AGBL1: variants seen among roughly 807,000 people sequenced by gnomAD.
The protein encoded by AGBL1 is AGBL carboxypeptidase 1.
AGBL1 carries 130 observed loss-of-function variants against 118.9 expected under a neutral mutation model. The observed-to-expected ratio is 1.09, with a 90% confidence interval of 0.95 to 1.26. AGBL1 has a LOEUF of 1.26. AGBL1 is among the 50% of genes most tolerant of loss of function. The pLI, the probability that AGBL1 is intolerant of heterozygous loss-of-function variation, is 0.00. For synonymous variants in AGBL1, 555 were observed against 478.9 expected (o/e 1.16, Z -2.08); for missense variants, 1,584 against 1,298.1 (o/e 1.22, Z -3.38).
At chr15:86,174,593 G>A (rs2077457277) in intron 5 of AGBL1, among the ~76,000 whole-genome samples, 1 of 151,806 alleles carries the variant, frequency 6.6e-6, no homozygotes, top group African/African-American at 2.4e-5. Context: ...TTTGTCACAT[G>A]TGGCTTTTAT....
intron 22 of AGBL1, among the ~76,000 whole-genome samples, chr15:86,763,150 C>T (rs1256838163): frequency 1.3e-5 from 2 of 151,884 alleles, no homozygotes; most frequent in African/African-American, 4.8e-5. Flanking sequence ...CTCCACTGAC[C>T]ACAAGGATGA....
chr15:86,402,309 T>C (rs1316183505), intron 18 of AGBL1, among the ~76,000 whole-genome samples: 1 of 152,134 alleles, frequency 6.6e-6, no homozygotes, highest in Admixed American at 6.6e-5. Flanking sequence ...TGATTTTGTA[T>C]CCTGAAACTT....
chr15:86,369,995 C>T (rs1167479485), intron 17 of AGBL1, among the ~76,000 whole-genome samples: 2 of 152,160 alleles, frequency 1.3e-5, no homozygotes, highest in Non-Finnish European at 2.9e-5. Flanking sequence ...GAAAAATTAT[C>T]AGCAATTTAA....
At chr15:86,216,549 T>A (rs1373413935) in intron 5 of AGBL1, among the ~76,000 whole-genome samples, 1 of 152,218 alleles carries the variant, frequency 6.6e-6, no homozygotes, top group Non-Finnish European at 1.5e-5. Context: ...TCTGTTATTA[T>A]GGTGGGTTAC....
At chr15:86,383,551 T>C (rs759136961) in intron 17 of AGBL1, among the ~76,000 whole-genome samples, 4 of 152,124 alleles carry the variant, frequency 2.6e-5, no homozygotes, top group Non-Finnish European at 5.9e-5. Context: ...TGCACCACGG[T>C]ATGCCAGCCT....
intron 7 of AGBL1, among the ~76,000 whole-genome samples, chr15:86,253,917 C>G (rs1391315697): frequency 1.3e-5 from 2 of 152,018 alleles, no homozygotes; most frequent in African/African-American, 2.4e-5. Flanking sequence ...TTTTAAAGGA[C>G]CATTCTGGCT....
chr15:86,336,898 A>G (rs1401171677), intron 17 of AGBL1, among the ~76,000 whole-genome samples: 2 of 152,200 alleles, frequency 1.3e-5, no homozygotes, highest in African/African-American at 4.8e-5. Flanking sequence ...AGTAAAAATT[A>G]CCTTGCCATC....
chr15:86,543,007 T>C (rs2083526655), intron 19 of AGBL1, among the ~76,000 whole-genome samples: 1 of 152,228 alleles, frequency 6.6e-6, no homozygotes, highest in Non-Finnish European at 1.5e-5. Context: ...GTTTTGACCA[T>C]TTACAATAAG....
Position 86,225,019 on chromosome 15 carries a change from C to A in AGBL1, c.526+68C>A. Reference sequence around the variant, plus strand: ...GGTTTAATGAAAGATACTTTCTGGTCCCCATGGCTGTTTCTTTTTTTTTTT... The same window carrying A: ...GGTTTAATGAAAGATACTTTCTGGTACCCATGGCTGTTTCTTTTTTTTTTT... On this transcript the variant is annotated intron_variant, in intron 6 of 22. Transcript: ENST00000614907. 2.0e-6 allele frequency: 3 copies of A among 1,468,674 alleles called. No individual in the cohort carries two copies. In the South Asian group the frequency reaches 3.7e-5, roughly 18 times the overall value. 91.0% of individuals were successfully genotyped at this position (1,468,674 alleles called of 1,614,324 possible). A position where few individuals can be genotyped will look rare whatever the true frequency, so the allele number is the denominator to read the frequency against.
chr15:86,571,736 T>C (rs1053671839), intron 21 of AGBL1, among the ~76,000 whole-genome samples: 2 of 152,156 alleles, frequency 1.3e-5, no homozygotes, highest in African/African-American at 4.8e-5. Flanking sequence ...CGGGTGCTGA[T>C]TGATCCATGA....
At chr15:86,836,249 A>T (rs997507308) in intron 22 of AGBL1, among the ~76,000 whole-genome samples, 1 of 152,202 alleles carries the variant, frequency 6.6e-6, no homozygotes, top group African/African-American at 2.4e-5. Context: ...AATAGGCCCC[A>T]TGGGTAGCCC....
At chr15:86,208,108 G>A (rs2078025534) in intron 5 of AGBL1, among the ~76,000 whole-genome samples, 3 of 152,054 alleles carry the variant, frequency 2.0e-5, no homozygotes, top group Admixed American at 6.6e-5. Context: ...TTCTGTTTAT[G>A]TGATGGATTA....
At chr15:86,257,134 A>T (rs914928416) in intron 8 of AGBL1, 116 bp downstream of exon 8, 1 of 1,110,698 alleles carries the variant, frequency 9.0e-7, no homozygotes, top group Admixed American at 2.9e-5. Context: ...ATAATTGTCT[A>T]TTAAGCTAAT....
chr15:86,804,407 G>A (rs936826214), intron 22 of AGBL1, among the ~76,000 whole-genome samples: 2 of 152,084 alleles, frequency 1.3e-5, no homozygotes, highest in Admixed American at 6.6e-5. Flanking sequence ...TTTCTGAAGT[G>A]TTTCTAATTC....
chr15:86,447,879 T>A (rs1374044099), intron 18 of AGBL1, among the ~76,000 whole-genome samples: 1 of 152,206 alleles, frequency 6.6e-6, no homozygotes, highest in Non-Finnish European at 1.5e-5. Flanking sequence ...GTGCAGTGGC[T>A]CATGCCTATA....
chr15:87,006,349 G>T (rs893035950), intron 24 of AGBL1, among the ~76,000 whole-genome samples: 1 of 152,170 alleles, frequency 6.6e-6, no homozygotes, highest in Non-Finnish European at 1.5e-5. Flanking sequence ...CTCAGTTCAA[G>T]CTTCCCTGCC....
In AGBL1 at chr15:86,123,149, C is replaced by T. The variant is rs144190108; in HGVS notation, c.52-18855C>T. On this transcript the variant is annotated intron_variant, in intron 1 of 22. Transcript: ENST00000614907. The stretch of plus-strand genomic sequence containing the variant: ...AGAGAATTAACTAAGAGTCGGGCAC[C>T]TTATTAGCTCTGATAAGAGATCTGA... 7.2e-4 allele frequency among the ~76,000 whole-genome samples: 110 copies of T among 152,258 alleles called. 1 individual carries two copies. Among genetic ancestry groups the T allele is most frequent in the African/African-American group, 2.6e-3 (106 of 41,540 alleles).
chr15:86,218,433 A>G (rs963263200), intron 5 of AGBL1, among the ~76,000 whole-genome samples: 1 of 152,030 alleles, frequency 6.6e-6, no homozygotes, highest in African/African-American at 2.4e-5. Context: ...TGGGTGGGGG[A>G]CAGACTCTCA....
rs1470289112 is a variant in AGBL1 at position 86,800,455 on chromosome 15, G to A, written c.3159-106632G>A. Among the ~76,000 whole-genome samples the A allele has an allele frequency of 2.0e-5, 3 of 152,176 alleles. No homozygotes were observed. The East Asian group carries it at 5.8e-4, about 29-fold the overall frequency. ...CAGAATTTCCTTTAAAGAGATTCTAGGACAGAAGGAATCCAGAAATATGGA... is the reference window on the plus strand; with the variant it reads ...CAGAATTTCCTTTAAAGAGATTCTAAGACAGAAGGAATCCAGAAATATGGA... On this transcript the variant is annotated intron_variant, in intron 22 of 22. Transcript: ENST00000614907.
Sources: allele counts gnomAD v4.1 joint callset (sites outside exome capture counted in the v4.1 genomes callset), GRCh38; gene constraint gnomAD v4.1.1; transcripts MANE v1.5; gene names NCBI Gene and HGNC (gene_info 2026-07-23, HGNC 2026-07-21).